The following BAHD1 variants were observed in gnomAD, a reference collection of about 807,000 sequenced individuals.
BAHD1 encodes the protein bromo adjacent homology domain containing 1.
A neutral mutation model predicts 63.1 loss-of-function variants in BAHD1; 20 were observed. The observed-to-expected ratio is 0.32, with a 90% confidence interval of 0.22 to 0.46. The LOEUF is 0.46. Among genes scored for constraint, BAHD1 ranks in the 20% least tolerant of loss-of-function variants. The probability of loss-of-function intolerance (pLI) is 1.00; values close to 1 mark genes in which losing one functional copy is unlikely to be tolerated. For synonymous variants in BAHD1, 408 were observed against 426.8 expected, an observed-to-expected ratio of 0.96 and a Z score of 0.54; for missense variants, 939 against 1,071.8, an observed-to-expected ratio of 0.88 and a Z score of 1.73.
rs562069978 is a variant in BAHD1, at chr15:40,443,386, A to G, written c.-15+2118A>G. On this transcript the variant is annotated intron_variant, in intron 1 of 6. Transcript: ENST00000416165. The stretch of plus-strand genomic sequence containing the variant: ...TCTGAGATAATTTAATTGCATGTCT[A>G]AAATCCAGAGAGTGATGATGAATCT... The G allele has an allele frequency of 4.6e-6, 4 of 867,706 alleles. No individual in the cohort carries two copies. The Admixed American group carries it at 1.9e-4, about 40-fold the overall frequency. 53.8% of individuals were successfully genotyped at this position (867,706 alleles called of 1,614,324 possible). A position where few individuals can be genotyped will look rare whatever the true frequency, so the allele number is the denominator to read the frequency against.
At chr15:40,439,334 T>G (rs1893340941), upstream of BAHD1, among the ~76,000 whole-genome samples, 1 of 152,222 alleles carries the variant, frequency 6.6e-6, no homozygotes, top group Non-Finnish European at 1.5e-5. Context: ...TGGACAGCTC[T>G]GGAGGCAGAT....
rs933213776 is a variant in BAHD1 at position 40,458,347 on chromosome 15, G to T, written c.-14-104G>T. 2.1e-6 allele frequency: 3 copies of T among 1,437,552 alleles called. No individual in the cohort carries two copies. In the African/African-American group the frequency reaches 4.3e-5, roughly 21 times the overall value. The allele number at this position is 1,437,552 out of a possible 1,614,324, so 89.0% of individuals were successfully genotyped here. A position where few individuals can be genotyped will look rare whatever the true frequency, so the allele number is the denominator to read the frequency against. On this transcript the variant is annotated intron_variant, in intron 1 of 6. Transcript: ENST00000416165. The surrounding 1 kb of genome is among the most constrained non-coding windows in gnomAD (Gnocchi z 4.7). The stretch of plus-strand genomic sequence containing the variant: ...CATACTGGAGACAGGGTAGTTGTAG[G>T]CCAGGATCACTGCACCTGGGGCTGG...
In BAHD1 at chr15:40,458,170, C is replaced by T. The variant is rs755166570; in HGVS notation, c.-14-281C>T. ...CACCAGCTCCTCCTATCCCCTGTCCCTGGGGTCTGCCTTGCTCCCTAGGCT... is the reference window on the plus strand; with the variant it reads ...CACCAGCTCCTCCTATCCCCTGTCCTTGGGGTCTGCCTTGCTCCCTAGGCT... On this transcript the variant is annotated intron_variant, in intron 1 of 6. Transcript: ENST00000416165. This position sits in a 1 kb window ranked among gnomAD's most constrained non-coding sequence, Gnocchi z 4.7. Among the ~76,000 whole-genome samples, 12 of 152,122 alleles carry T rather than the reference C, an allele frequency of 7.9e-5. No homozygotes were observed. Among genetic ancestry groups the T allele is most frequent in the Non-Finnish European group, 1.3e-4 (9 of 68,018 alleles).
At position 40,441,053 on chromosome 15, in the gene BAHD1, C is replaced by T. The variant is rs908739668; in HGVS notation, c.-230C>T. Among the ~76,000 whole-genome samples, 19 of 146,156 alleles carry T rather than the reference C, an allele frequency of 1.3e-4. No individual in the cohort carries two copies. Among genetic ancestry groups the T allele is most frequent in the Non-Finnish European group, 7.6e-5 (5 of 65,746 alleles). The stretch of plus-strand genomic sequence containing the variant: ...GCCCCGCCCGTCCGGCCCCCGCCGT[C>T]CGCCCGCCCCGGCCAGGCGCGCCCG... On this transcript the variant is annotated 5_prime_UTR_variant, in exon 1 of 7. Transcript: ENST00000416165.
At chr15:40,451,040 C>T (rs1893684634) in intron 1 of BAHD1, among the ~76,000 whole-genome samples, 1 of 148,616 alleles carries the variant, frequency 6.7e-6, no homozygotes. Context: ...CGGGATACTC[C>T]TGCTGAGGCA....
chr15:40,459,685 G>A lies in BAHD1; in HGVS notation c.1221G>A (p.Val407=). ...TTCCTGAGGGCAAGCTGTCCCCAGT[G>A]GCTGCACCTCACGAGGAGGGGCTCC... ...PMLPEGKLSP[V]AAPHEEGLLL... is the part of the protein sequence containing the mutation. Residue 407 remains valine (V), a synonymous_variant, in exon 2 of 7, where the codon GTG becomes GTA. Coordinates refer to ENST00000416165, the MANE Select transcript of BAHD1 (RefSeq NM_014952.5). 1 of 1,614,058 alleles carries A rather than the reference G, an allele frequency of 6.2e-7. No homozygotes were observed. Among genetic ancestry groups the A allele is most frequent in the Non-Finnish European group, 8.5e-7 (1 of 1,179,988 alleles).
rs145339527 is a variant in BAHD1 at position 40,459,526 on chromosome 15, G to A, written c.1062G>A (p.Pro354=). ...QPSFPTPQLS[P]LPMPGNPADY... ...CTTTCCCCACACCTCAGCTGTCGCC[G>A]CTGCCGATGCCTGGCAACCCCGCCG... The change falls in exon 2 of 7, where the codon CCG becomes CCA. Residue 354 remains proline, a synonymous_variant. Transcript: ENST00000416165. 1.1e-3 allele frequency: 1,740 copies of A among 1,613,902 alleles called. 2 individuals carry two copies. Among genetic ancestry groups the A allele is most frequent in the Non-Finnish European group, 1.4e-3 (1,622 of 1,180,032 alleles).
intron 1 of BAHD1, among the ~76,000 whole-genome samples, chr15:40,448,836 CT>C (rs71132183): frequency 0.53 from 69,797 of 131,856 alleles, 17,637 homozygotes; most frequent in East Asian, 0.77. Context: ...CCTTTTAACT[CT>C]TTTTTTTTTT....
chr15:40,462,285 G>T lies in BAHD1; in HGVS notation c.1806G>T (p.Val602=). ...TTGGGGCTGCGTGTGAGAAGGCTGT[G>T]TATGTCTTGGTAAGTGCTAGCTCTT... The part of the protein sequence containing the change: ...VPVGAACEKA[V]YVLDEPEPAI... Residue 602 remains valine (V), a synonymous_variant, in exon 3 of 7, where the codon GTG becomes GTT. Transcript: ENST00000416165. The T allele has an allele frequency of 1.2e-6, 2 of 1,603,900 alleles. No individual in the cohort carries two copies. The highest frequency in any genetic ancestry group is 1.7e-6 in the Non-Finnish European group (2 of 1,173,856).
chr15:40,457,825 C>T (rs1016198892), intron 1 of BAHD1, among the ~76,000 whole-genome samples: 8 of 152,126 alleles, frequency 5.3e-5, no homozygotes, highest in Non-Finnish European at 8.8e-5. Context: ...CTGGCTAACA[C>T]GGTGAAACCC....
Position 40,459,636 on chromosome 15 carries a change from G to A in BAHD1, c.1172G>A (p.Gly391Glu). The A allele has an allele frequency of 6.2e-7, 1 of 1,614,150 alleles. No individual in the cohort carries two copies. Among genetic ancestry groups the A allele is most frequent in the Non-Finnish European group, 8.5e-7 (1 of 1,180,024 alleles). ...TGTGGCCAAGAGGGGCTGCAGTGTGGGGGCTACTCGCCCTGCCCCATGCTT... is the reference window on the plus strand; with the variant it reads ...TGTGGCCAAGAGGGGCTGCAGTGTGAGGGCTACTCGCCCTGCCCCATGCTT... ...LYCGQEGLQC[G>E]GYSPCPMLPE... The change falls in exon 2 of 7, where the codon GGG (glycine) becomes GAG (glutamate). Residue 391 changes from glycine to glutamate, a missense_variant. Coordinates refer to ENST00000416165, the MANE Select transcript of BAHD1 (RefSeq NM_014952.5).
At chr15:40,465,888 G>GT in intron 6 of BAHD1, 53 bp from the exon 7 acceptor site, 1 of 1,515,758 alleles carries the variant, frequency 6.6e-7, no homozygotes, top group Non-Finnish European at 8.9e-7. Flanking sequence ...GAAGGAATTG[G>GT]TCTTCCTGCA....
chr15:40,462,126 G>A lies in BAHD1; in HGVS notation c.1647G>A (p.Leu549=), dbSNP rs1381661384. 1.2e-6 allele frequency: 2 copies of A among 1,612,684 alleles called. No individual in the cohort carries two copies. Among genetic ancestry groups the A allele is most frequent in the African/African-American group, 1.3e-5 (1 of 75,064 alleles). The change falls in exon 3 of 7, where the codon CTG becomes CTA. Residue 549 remains leucine (L), a synonymous_variant. Coordinates refer to ENST00000416165, the MANE Select transcript of BAHD1 (RefSeq NM_014952.5). ...AKPPSGSKSG[L]RTGSSCRHTA... ...CTCCCAGCGGTTCTAAGTCAGGTCT[G>A]CGCACAGGCTCCAGCTGCAGGCACA...
In BAHD1 at chr15:40,467,933, G is replaced by A. The variant is rs1413010209; in HGVS notation, c.*1803G>A. ...AAAGGAGATGAAGGCCCTCCTCCCA[G>A]GAGGTAGGGTCTTGGCTGCCCCGAA... On this transcript the variant is annotated 3_prime_UTR_variant, in exon 7 of 7. Transcript: ENST00000416165. The A allele has an allele frequency of 1.3e-5, 2 of 152,616 alleles. No individual in the cohort carries two copies. Among genetic ancestry groups the A allele is most frequent in the East Asian group, 3.9e-4 (2 of 5,194 alleles). 9.5% of individuals were successfully genotyped at this position (152,616 alleles called of 1,614,324 possible). A position where few individuals can be genotyped will look rare whatever the true frequency, so the allele number is the denominator to read the frequency against.
chr15:40,444,471 A>G (rs1413320520), intron 1 of BAHD1, among the ~76,000 whole-genome samples: 8 of 152,184 alleles, frequency 5.3e-5, no homozygotes, highest in Non-Finnish European at 8.8e-5. Flanking sequence ...CTTTCTACCC[A>G]GCTTTGCTGC....
intron 1 of BAHD1, among the ~76,000 whole-genome samples, chr15:40,451,615 C>CA (rs1200791651): frequency 1.3e-5 from 2 of 152,224 alleles, no homozygotes; most frequent in Non-Finnish European, 2.9e-5. Flanking sequence ...AACCAAGACT[C>CA]AGAGTTCAAG....
chr15:40,466,501 T>G lies in BAHD1; in HGVS notation c.*371T>G. On this transcript the variant is annotated 3_prime_UTR_variant, in exon 7 of 7. Transcript: ENST00000416165. Reference sequence around the variant, plus strand: ...TTCAGGAACCAGACCCAACAGGCCCTTCTGTAGCCTCCCCCTTGCCCTCAA... The same window carrying G: ...TTCAGGAACCAGACCCAACAGGCCCGTCTGTAGCCTCCCCCTTGCCCTCAA... 2 of 183,540 alleles carry G rather than the reference T, an allele frequency of 1.1e-5. No homozygotes were observed. The highest frequency in any genetic ancestry group is 2.3e-5 in the Non-Finnish European group (2 of 87,720). The allele number at this position is 183,540 out of a possible 1,614,324, so 11.4% of individuals were successfully genotyped here.
In BAHD1 at chr15:40,462,283, G is replaced by A; in HGVS notation, c.1804G>A (p.Val602Met). ...VPVGAACEKA[V>M]YVLDEPEPAI... Reference sequence around the variant, plus strand: ...TGTTGGGGCTGCGTGTGAGAAGGCTGTGTATGTCTTGGTAAGTGCTAGCTC... The same window carrying A: ...TGTTGGGGCTGCGTGTGAGAAGGCTATGTATGTCTTGGTAAGTGCTAGCTC... The change falls in exon 3 of 7, where the codon GTG becomes ATG. Residue 602 changes from valine to methionine, a missense_variant. Around this residue, in one of 5 missense-constraint regions of BAHD1, gnomAD observed 35 missense variants for 56.5 expected, o/e 0.62. Transcript: ENST00000416165. The A allele has an allele frequency of 6.2e-7, 1 of 1,605,922 alleles. No homozygotes were observed. The highest frequency in any genetic ancestry group is 8.5e-7 in the Non-Finnish European group (1 of 1,175,220).
At chr15:40,462,818 A>G (rs1320953653) in intron 3 of BAHD1, among the ~76,000 whole-genome samples, 1 of 152,120 alleles carries the variant, frequency 6.6e-6, no homozygotes, top group East Asian at 1.9e-4. Context: ...TATAGACCTC[A>G]TCTCTACAAA....
Sources: gnomAD v4.1 joint callset for allele counts (sites outside exome capture counted in the v4.1 genomes callset) on GRCh38, gnomAD v4.1.1 for gene constraint, gnomAD v4.1.1 regional missense constraint, Gnocchi (gnomAD v3.1) non-coding constraint, MANE v1.5 for transcripts, NCBI Gene and HGNC (gene_info 2026-07-23, HGNC 2026-07-21) for gene names.